The following ATF7IP variants were observed in gnomAD, a reference collection of about 807,000 sequenced individuals.
The protein encoded by ATF7IP is activating transcription factor 7 interacting protein, also known as activating transcription factor 7-interacting protein 1.
Under a neutral mutation model 106.4 loss-of-function variants are expected in ATF7IP, and 23 were observed. The ratio of observed to expected loss-of-function variants is 0.22; its 90% CI spans 0.16 to 0.31. The LOEUF is 0.31. Ranked by LOEUF, ATF7IP falls within the 10% of genes least tolerant of loss-of-function variation. The pLI is 1.00. For missense variants in ATF7IP, 1,334 were observed against 1,524.3 expected, an observed-to-expected ratio of 0.88 and a Z score of 2.08; for synonymous variants, 542 against 539.0, an observed-to-expected ratio of 1.01 and a Z score of -0.08.
chr12:14,495,194 T>C (rs1434385770), intron 13 of ATF7IP, among the ~76,000 whole-genome samples: 4 of 152,116 alleles, frequency 2.6e-5, no homozygotes, highest in Non-Finnish European at 5.9e-5. Context: ...CCTTCCCCAG[T>C]CCACTGACTC....
intron 6 of ATF7IP, among the ~76,000 whole-genome samples, chr12:14,450,414 C>T (rs1344026811): frequency 6.6e-6 from 1 of 152,132 alleles, no homozygotes; most frequent in Non-Finnish European, 1.5e-5. Context: ...TCTTTTGCTG[C>T]ATCAATTAAG....
chr12:14,418,008 C>G (rs1308325945), intron 1 of ATF7IP, among the ~76,000 whole-genome samples: 1 of 151,994 alleles, frequency 6.6e-6, no homozygotes, highest in African/African-American at 2.4e-5. Context: ...TGTTTCATTG[C>G]TATGATCTCT....
intron 1 of ATF7IP, among the ~76,000 whole-genome samples, chr12:14,383,289 T>C (rs1174900384): frequency 6.6e-6 from 1 of 152,342 alleles, no homozygotes; most frequent in Admixed American, 6.5e-5. Flanking sequence ...AGGATTTACA[T>C]TGGAAAAGTA....
chr12:14,369,756 A>G (rs1299314582), intron 1 of ATF7IP, among the ~76,000 whole-genome samples: 1 of 151,826 alleles, frequency 6.6e-6, no homozygotes, highest in Non-Finnish European at 1.5e-5. Flanking sequence ...GTGTTAAGAT[A>G]AGTTGCTAGT....
intron 4 of ATF7IP, among the ~76,000 whole-genome samples, chr12:14,437,836 G>A (rs1232332871): frequency 6.6e-6 from 1 of 151,952 alleles, no homozygotes; most frequent in Non-Finnish European, 1.5e-5. Context: ...GGCGGATCAC[G>A]AGGTCAGGAG....
chr12:14,421,701 T>C (rs990014804), intron 1 of ATF7IP, among the ~76,000 whole-genome samples: 1 of 152,164 alleles, frequency 6.6e-6, no homozygotes, highest in Admixed American at 6.5e-5. Context: ...CTAATATCTT[T>C]CTGGGGATGT....
chr12:14,424,591 G>A lies in ATF7IP; in HGVS notation c.676G>A (p.Ala226Thr), dbSNP rs138035183. ...TGAACCCATTTCTGGTGATTGTGCCGCTGATGATATAGCCTCTAGTGAAAT... is the reference window on the plus strand; with the variant it reads ...TGAACCCATTTCTGGTGATTGTGCCACTGATGATATAGCCTCTAGTGAAAT... ...PVEPISGDCAADDIASSEITS... is the reference protein window; with the variant it reads ...PVEPISGDCATDDIASSEITS... The change falls in exon 2 of 15, where the codon GCT becomes ACT. Residue 226 changes from alanine to threonine, a missense_variant. By Grantham distance (58) the Ala-to-Thr change is moderately conservative (BLOSUM62 0). Transcript: ENST00000261168. 9.9e-6 allele frequency: 16 copies of A among 1,613,950 alleles called. No homozygotes were observed. Among genetic ancestry groups the A allele is most frequent in the Admixed American group, 5.0e-5 (3 of 59,990 alleles).
intron 13 of ATF7IP, among the ~76,000 whole-genome samples, chr12:14,484,787 C>G (rs1944544273): frequency 6.6e-6 from 1 of 152,166 alleles, no homozygotes. Context: ...CCTTCGGAAC[C>G]TGCTTGAGCC....
intron 6 of ATF7IP, among the ~76,000 whole-genome samples, chr12:14,451,477 AT>A (rs958802785): frequency 1.3e-4 from 20 of 151,398 alleles, no homozygotes; most frequent in African/African-American, 4.6e-4. Flanking sequence ...TAGATTGTTG[AT>A]TTGAGATCTT....
At chr12:14,449,057 T>C (rs1437285521) in intron 6 of ATF7IP, among the ~76,000 whole-genome samples, 3 of 151,434 alleles carry the variant, frequency 2.0e-5, no homozygotes, top group African/African-American at 7.2e-5. Flanking sequence ...GAATATTGAC[T>C]CTTATATAAA....
At chr12:14,437,272 A>G (rs1447966532) in intron 4 of ATF7IP, among the ~76,000 whole-genome samples, 1 of 152,238 alleles carries the variant, frequency 6.6e-6, no homozygotes, top group African/African-American at 2.4e-5. Flanking sequence ...GACATTTTAC[A>G]ATCAATGTTT....
intron 6 of ATF7IP, among the ~76,000 whole-genome samples, chr12:14,448,316 T>C (rs78787881): frequency 0.014 from 2,155 of 152,278 alleles, 31 homozygotes; most frequent in Admixed American, 0.028. Context: ...AGTGAAGAAA[T>C]TGACAATTTT....
rs772918994 is a variant in ATF7IP, at chr12:14,497,962, A to G, written c.3702A>G (p.Val1234=). The change falls in exon 15 of 15, where the codon GTA becomes GTG. Residue 1234 remains valine (V), a synonymous_variant. Coordinates refer to ENST00000261168, the MANE Select transcript of ATF7IP (RefSeq NM_018179.5). ...TGGCATGTACTCTCACCCAGTTTGT[A>G]TCTGGTAGCAAATACTACTTTGCAG... ...LPMACTLTQF[V]SGSKYYFAVR... The G allele has an allele frequency of 2.5e-5, 40 of 1,614,088 alleles. No individual in the cohort carries two copies. The East Asian group carries it at 4.7e-4, about 19-fold the overall frequency.
intron 1 of ATF7IP, among the ~76,000 whole-genome samples, chr12:14,414,137 C>A (rs1941071684): frequency 6.6e-6 from 1 of 152,076 alleles, no homozygotes; most frequent in Admixed American, 6.5e-5. Flanking sequence ...TTTGTTATGC[C>A]AAGCTTTTTA....
Position 14,387,377 on chromosome 12 carries a change from C to T in ATF7IP, c.-8+21550C>T, listed in dbSNP as rs138217665. 3.6e-3 allele frequency among the ~76,000 whole-genome samples: 550 copies of T among 151,154 alleles called. 1 individual carries two copies. The highest frequency in any genetic ancestry group is 5.8e-3 in the Non-Finnish European group (390 of 67,754). ...TAATAACAGCTCATTTTCTTGGTGG[C>T]GAGAGTGGGAGGGGAGGAGACTCTA... On this transcript the variant is annotated intron_variant, in intron 1 of 14. Coordinates refer to ENST00000261168, the MANE Select transcript of ATF7IP (RefSeq NM_018179.5).
intron 1 of ATF7IP, among the ~76,000 whole-genome samples, chr12:14,420,791 A>G (rs1223673976): frequency 1.3e-5 from 2 of 152,218 alleles, no homozygotes; most frequent in Non-Finnish European, 2.9e-5. Flanking sequence ...CATCAGATCC[A>G]TTAACAACAT....
chr12:14,387,614 G>GT (rs1195890711), intron 1 of ATF7IP, among the ~76,000 whole-genome samples: 1 of 151,980 alleles, frequency 6.6e-6, no homozygotes, highest in Non-Finnish European at 1.5e-5. Flanking sequence ...ATGCCCTATG[G>GT]TTACTCAGGA....
intron 1 of ATF7IP, among the ~76,000 whole-genome samples, chr12:14,374,666 A>G (rs1002032456): frequency 6.6e-6 from 1 of 152,160 alleles, no homozygotes; most frequent in African/African-American, 2.4e-5. Flanking sequence ...ACTAGTAAAG[A>G]GAATAAATAG....
chr12:14,404,600 T>G (rs1313979779), intron 1 of ATF7IP, among the ~76,000 whole-genome samples: 1 of 152,228 alleles, frequency 6.6e-6, no homozygotes, highest in Non-Finnish European at 1.5e-5. Context: ...TACCCTGGTG[T>G]GTGTATGTAT....
Sources: allele counts gnomAD v4.1 joint callset (sites outside exome capture counted in the v4.1 genomes callset), GRCh38; gene constraint gnomAD v4.1.1; transcripts MANE v1.5; gene names NCBI Gene and HGNC (gene_info 2026-07-23, HGNC 2026-07-21).